RXFP2: variants seen among roughly 807,000 people sequenced by gnomAD.
RXFP2 encodes relaxin family peptide receptor 2, also known as relaxin receptor 2.
Under a neutral mutation model 88.6 loss-of-function variants are expected in RXFP2, and 68 were observed. The observed-to-expected ratio is 0.77, with a 90% confidence interval of 0.63 to 0.94. The LOEUF (loss-of-function observed/expected upper bound fraction) is 0.94, where lower values mean the gene tolerates loss of function less well. Among genes scored for constraint, RXFP2 ranks in the 40% least tolerant of loss-of-function variants. The probability of loss-of-function intolerance (pLI) is 0.00; values close to 1 mark genes in which losing one functional copy is unlikely to be tolerated. For synonymous variants in RXFP2, 329 were observed against 306.8 expected, an observed-to-expected ratio of 1.07 and a Z score of -0.76; for missense variants, 791 against 893.9, an observed-to-expected ratio of 0.88 and a Z score of 1.47.
At chr13:31,769,494 G>A (rs1872660463) in intron 5 of RXFP2, among the ~76,000 whole-genome samples, 1 of 152,098 alleles carries the variant, frequency 6.6e-6, no homozygotes, top group Non-Finnish European at 1.5e-5. Flanking sequence ...TTTCAAATCT[G>A]TTCTTCATTC....
chr13:31,791,736 C>T, intron 14 of RXFP2, 70 bp from the exon 15 acceptor site: 3 of 1,060,766 alleles, frequency 2.8e-6, no homozygotes, highest in Non-Finnish European at 4.4e-6. Context: ...AGTTGCAGCC[C>T]CGATAGGACT....
At chr13:31,740,796 T>C (rs1871199894) in intron 1 of RXFP2, among the ~76,000 whole-genome samples, 1 of 152,034 alleles carries the variant, frequency 6.6e-6, no homozygotes, top group South Asian at 2.1e-4. Context: ...ATCTCTTACA[T>C]GAAAAGCTAA....
At chr13:31,800,446 C>T (rs1027730667) in intron 17 of RXFP2, among the ~76,000 whole-genome samples, 1 of 152,162 alleles carries the variant, frequency 6.6e-6, no homozygotes, top group Non-Finnish European at 1.5e-5. Flanking sequence ...GTGGCAGGTG[C>T]CTGTAGTCCC....
chr13:31,775,532 C>A, intron 7 of RXFP2, 143 bp downstream of exon 7: 1 of 727,652 alleles, frequency 1.4e-6, no homozygotes, highest in South Asian at 1.6e-5. Flanking sequence ...GAACTTTATC[C>A]AGGCAATTCA....
intron 1 of RXFP2, among the ~76,000 whole-genome samples, chr13:31,753,255 G>A (rs1045861728): frequency 6.6e-6 from 1 of 152,166 alleles, no homozygotes; most frequent in African/African-American, 2.4e-5. Context: ...CTCACCTGTT[G>A]TTTCCCAATA....
At chr13:31,801,691 C>A (rs529550061) in intron 17 of RXFP2, among the ~76,000 whole-genome samples, 2 of 152,196 alleles carry the variant, frequency 1.3e-5, no homozygotes, top group South Asian at 2.1e-4. Flanking sequence ...ACAGGATAAC[C>A]AGAACACCAG....
intron 1 of RXFP2, 48 bp downstream of exon 1, chr13:31,739,754 T>G (rs1871152302): frequency 2.6e-6 from 3 of 1,166,036 alleles, no homozygotes; most frequent in Non-Finnish European, 3.9e-6. Context: ...TCCCAAAAAA[T>G]ACATTTCTAT....
At chr13:31,758,224 G>A in intron 1 of RXFP2, 34 bp from the exon 2 acceptor site, 1 of 1,613,600 alleles carries the variant, frequency 6.2e-7, no homozygotes, top group Non-Finnish European at 8.5e-7. Context: ...CTTGGCCATG[G>A]TAACACTTTG....
In RXFP2 at chr13:31,768,724, A is replaced by G. The variant is rs116658251; in HGVS notation, c.497+2697A>G. On this transcript the variant is annotated intron_variant, in intron 5 of 17. Transcript: ENST00000298386. ...TATCCTAGAGCAGCTCATAAGCTCAACAATGCTTCCTTAAATCTCCTTTCC... is the reference window on the plus strand; with the variant it reads ...TATCCTAGAGCAGCTCATAAGCTCAGCAATGCTTCCTTAAATCTCCTTTCC... Among the ~76,000 whole-genome samples, 505 of 152,326 alleles carry G rather than the reference A, an allele frequency of 3.3e-3. 5 individuals carry two copies. Among genetic ancestry groups the G allele is most frequent in the African/African-American group, 0.011 (462 of 41,578 alleles).
chr13:31,752,752 TCTC>T (rs1218719557), intron 1 of RXFP2, among the ~76,000 whole-genome samples: 1 of 152,090 alleles, frequency 6.6e-6, no homozygotes, highest in Non-Finnish European at 1.5e-5. Flanking sequence ...TGGAGCTACT[TCTC>T]CTTGGCTTCT....
At chr13:31,799,844 C>T (rs1344432955) in intron 17 of RXFP2, among the ~76,000 whole-genome samples, 1 of 152,126 alleles carries the variant, frequency 6.6e-6, no homozygotes, top group Non-Finnish European at 1.5e-5. Context: ...TCTCCTGAGC[C>T]CTTCTCATTG....
At chr13:31,752,519 T>G (rs1593447217) in intron 1 of RXFP2, among the ~76,000 whole-genome samples, 1 of 151,726 alleles carries the variant, frequency 6.6e-6, no homozygotes, top group Non-Finnish European at 1.5e-5. Flanking sequence ...TACCAAACAG[T>G]TGCCTGAAAG....
intron 8 of RXFP2, 125 bp downstream of exon 8, chr13:31,777,572 T>C (rs1873051832): frequency 7.2e-6 from 5 of 696,136 alleles, no homozygotes; most frequent in Non-Finnish European, 1.3e-5. Context: ...AAACTTCTCC[T>C]GTGTTTCCAG....
intron 1 of RXFP2, among the ~76,000 whole-genome samples, chr13:31,748,124 T>G (rs529933011): frequency 3.9e-4 from 59 of 152,340 alleles, no homozygotes; most frequent in African/African-American, 1.4e-3. Context: ...TGTTTATCCG[T>G]TTTATTTTTC....
At chr13:31,785,732 ACT>A (rs1873504929) in intron 11 of RXFP2, among the ~76,000 whole-genome samples, 1 of 151,798 alleles carries the variant, frequency 6.6e-6, no homozygotes, top group Admixed American at 6.6e-5. Flanking sequence ...TCAGAAATAT[ACT>A]CTGGACTCTT....
At chr13:31,799,830 G>C (rs1234058571) in intron 17 of RXFP2, among the ~76,000 whole-genome samples, 2 of 152,296 alleles carry the variant, frequency 1.3e-5, no homozygotes, top group Admixed American at 6.5e-5. Context: ...CAGCAGGTTT[G>C]ATTTCTCCTG....
intron 3 of RXFP2, among the ~76,000 whole-genome samples, chr13:31,764,249 A>T (rs1444401676): frequency 3.4e-5 from 4 of 118,396 alleles, no homozygotes; most frequent in African/African-American, 1.3e-4. Flanking sequence ...TCTTTCACAC[A>T]CACACACACA....
intron 3 of RXFP2, among the ~76,000 whole-genome samples, chr13:31,762,725 T>A (rs1013667825): frequency 6.6e-6 from 1 of 152,200 alleles, no homozygotes. Flanking sequence ...TTACCACTTA[T>A]ATATTTTATT....
intron 1 of RXFP2, among the ~76,000 whole-genome samples, chr13:31,747,535 T>C (rs771765803): frequency 3.0e-4 from 45 of 152,220 alleles, no homozygotes; most frequent in Non-Finnish European, 4.6e-4. Context: ...TGCTCTCCAC[T>C]CCTACATATG....
Sources: allele counts gnomAD v4.1 joint callset (sites outside exome capture counted in the v4.1 genomes callset), GRCh38; gene constraint gnomAD v4.1.1; transcripts MANE v1.5; gene names NCBI Gene and HGNC (gene_info 2026-07-23, HGNC 2026-07-21).